SORBS2: variants seen among roughly 807,000 people sequenced by gnomAD.
SORBS2 encodes the protein sorbin and SH3 domain containing 2.
Under a neutral mutation model 97.7 loss-of-function variants are expected in SORBS2, and 46 were observed. The observed-to-expected ratio is 0.47, with a 90% CI of 0.37 to 0.60. SORBS2 has a LOEUF of 0.60. SORBS2 is among the 20% of genes least tolerant of loss of function. The pLI is 0.00. For missense variants in SORBS2, 1,316 were observed against 1,282.3 expected, an observed-to-expected ratio of 1.03 and a Z score of -0.40; for synonymous variants, 476 against 473.4, an observed-to-expected ratio of 1.01 and a Z score of -0.07.
At chr4:185,665,799 G>T in intron 4 of SORBS2, 2 of 1,107,994 alleles carry the variant, frequency 1.8e-6, no homozygotes, top group South Asian at 4.5e-5. Context: ...CCCAGGTGGG[G>T]GAGGGTGTCT....
chr4:185,695,472 G>A (rs1227923405), intron 2 of SORBS2, among the ~76,000 whole-genome samples: 2 of 149,700 alleles, frequency 1.3e-5, no homozygotes, highest in East Asian at 2.0e-4. Flanking sequence ...ACATATTGAT[G>A]TTTAAGTAGT....
At chr4:185,830,455 G>A (rs2099204528) in intron 1 of SORBS2, among the ~76,000 whole-genome samples, 1 of 152,178 alleles carries the variant, frequency 6.6e-6, no homozygotes, top group African/African-American at 2.4e-5. Flanking sequence ...AAATGGTTAT[G>A]GAAGGAAGCA....
Position 185,606,802 on chromosome 4 carries a change from T to C in SORBS2, c.2796+4978A>G. ...CTGGATGCCTGACACAATCCCCTCA[T>C]AGATGCCCTCATCTTCCTCTCCAAT... On this transcript the variant is annotated intron_variant, in intron 12 of 14. Coordinates refer to ENST00000418609, the Ensembl canonical transcript of SORBS2. The surrounding 1 kb of genome is among the most constrained non-coding windows in gnomAD (Gnocchi z 4.3). 1.0e-6 allele frequency: 1 copy of C among 985,288 alleles called. No homozygotes were observed. The highest frequency in any genetic ancestry group is 1.2e-6 in the Non-Finnish European group (1 of 829,908). The allele number at this position is 985,288 out of a possible 1,614,324, so 61.0% of individuals were successfully genotyped here.
chr4:185,719,127 T>A (rs557932839), intron 2 of SORBS2, among the ~76,000 whole-genome samples: 13 of 152,338 alleles, frequency 8.5e-5, no homozygotes, highest in African/African-American at 2.9e-4. Context: ...AGGTATGTGA[T>A]AGCATCGTTA....
At chr4:185,587,304 CTTT>C (rs33934418) in exon 15 of SORBS2, 1,011 of 157,512 alleles carry the variant, frequency 6.4e-3, no homozygotes, top group South Asian at 0.013. Context: ...CCTGGAGACA[CTTT>C]TTTTTTTTTT....
chr4:185,763,631 C>T (rs1025338632), intron 2 of SORBS2, among the ~76,000 whole-genome samples: 3 of 152,194 alleles, frequency 2.0e-5, no homozygotes, highest in Non-Finnish European at 4.4e-5. Context: ...ACAACACCCA[C>T]GTGCCCCATC....
At chr4:185,802,186 G>T (rs564767573) in intron 1 of SORBS2, among the ~76,000 whole-genome samples, 1 of 152,080 alleles carries the variant, frequency 6.6e-6, no homozygotes, top group African/African-American at 2.4e-5. Context: ...TTACTTCTGC[G>T]CATGTCTTTT....
At chr4:185,620,285 A>G in intron 7 of SORBS2, 134 bp from the exon 20 acceptor site, 2 of 676,920 alleles carry the variant, frequency 3.0e-6, no homozygotes, top group South Asian at 1.8e-5. Flanking sequence ...ACATGGGCAT[A>G]AAACTCATAG....
intron 2 of SORBS2, among the ~76,000 whole-genome samples, chr4:185,710,580 C>T (rs922451228): frequency 2.0e-5 from 3 of 152,218 alleles, no homozygotes; most frequent in Non-Finnish European, 4.4e-5. Flanking sequence ...TTCTTTCCTA[C>T]ATGCTGACTG....
chr4:185,597,465 A>G lies in SORBS2; in HGVS notation c.2797-3530T>C, dbSNP rs143012802. Among the ~76,000 whole-genome samples, 120 of 152,380 alleles carry G rather than the reference A, an allele frequency of 7.9e-4. 1 individual carries two copies. The highest frequency in any genetic ancestry group is 2.8e-3 in the African/African-American group (116 of 41,586). ...TTACAATTCAACTCCATTTTGCAGA[A>G]TGGTAAACCAAAACCCAAAGATACT... On this transcript the variant is annotated intron_variant, in intron 12 of 14. Transcript: ENST00000418609.
chr4:185,910,357 C>G (rs1345359092), intron 1 of SORBS2, among the ~76,000 whole-genome samples: 1 of 152,100 alleles, frequency 6.6e-6, no homozygotes, highest in Non-Finnish European at 1.5e-5. Flanking sequence ...AACAAAGAAG[C>G]CTTGCTATCC....
intron 4 of SORBS2, 87 bp from the exon 15 acceptor site, chr4:185,638,249 G>T (rs1046944319): frequency 1.0e-5 from 8 of 798,386 alleles, no homozygotes; most frequent in African/African-American, 5.1e-5. Context: ...ACTCACGCGC[G>T]CATTGACACG....
intron 1 of SORBS2, among the ~76,000 whole-genome samples, chr4:185,782,804 TG>T (rs2099037567): frequency 6.6e-6 from 1 of 152,206 alleles, no homozygotes; most frequent in African/African-American, 2.4e-5. Flanking sequence ...TGTCATACAC[TG>T]TAGAGCAGGG....
chr4:185,749,722 G>T (rs935059350), intron 2 of SORBS2, among the ~76,000 whole-genome samples: 1 of 152,238 alleles, frequency 6.6e-6, no homozygotes, highest in Non-Finnish European at 1.5e-5. Flanking sequence ...AGACTAGTTT[G>T]CCAGGAGTTT....
chr4:185,612,356 T>C (rs960827086), intron 11 of SORBS2, among the ~76,000 whole-genome samples: 2 of 152,192 alleles, frequency 1.3e-5, no homozygotes, highest in Non-Finnish European at 2.9e-5. Flanking sequence ...GCAGGTTCAG[T>C]GCATTGGCCT....
chr4:185,884,760 A>G (rs1332072675), intron 1 of SORBS2, among the ~76,000 whole-genome samples: 1 of 152,218 alleles, frequency 6.6e-6, no homozygotes, highest in African/African-American at 2.4e-5. Context: ...ACACAGACTT[A>G]TATGGAGTCG....
At chr4:185,871,059 A>C (rs2099230148) in intron 1 of SORBS2, among the ~76,000 whole-genome samples, 1 of 152,234 alleles carries the variant, frequency 6.6e-6, no homozygotes, top group Admixed American at 6.5e-5. Context: ...AAAAGCAATT[A>C]GTATGCACCT....
intron 2 of SORBS2, among the ~76,000 whole-genome samples, chr4:185,717,081 T>C (rs543280663): frequency 1.2e-4 from 18 of 152,210 alleles, no homozygotes; most frequent in Non-Finnish European, 1.5e-4. Flanking sequence ...CCTGCAACAC[T>C]ACCCACCACA....
intron 2 of SORBS2, among the ~76,000 whole-genome samples, chr4:185,741,323 C>A (rs942632563): frequency 3.3e-5 from 5 of 151,604 alleles, no homozygotes; most frequent in African/African-American, 7.3e-5. Flanking sequence ...CTTCTTCAGT[C>A]CTGCAATTGC....
Sources: gnomAD v4.1 joint callset for allele counts (sites outside exome capture counted in the v4.1 genomes callset) on GRCh38, gnomAD v4.1.1 for gene constraint, Gnocchi (gnomAD v3.1) non-coding constraint, MANE v1.5 for transcripts, NCBI Gene and HGNC (gene_info 2026-07-23, HGNC 2026-07-21) for gene names.